The following SMARCA4 variants were observed in gnomAD, a reference collection of about 807,000 sequenced individuals.
The protein encoded by SMARCA4 is SWI/SNF related BAF chromatin remodeling complex subunit ATPase 4.
In SMARCA4, 31 loss-of-function variants were observed where a neutral mutation model predicts 193.9. That is an observed-to-expected ratio of 0.16 (90% confidence interval 0.12 to 0.22). The LOEUF (loss-of-function observed/expected upper bound fraction) is 0.22. SMARCA4 is among the 10% of genes least tolerant of loss of function. The probability of loss-of-function intolerance (pLI) is 1.00; values close to 1 mark genes in which losing one functional copy is unlikely to be tolerated. For missense variants in SMARCA4, 1,148 were observed against 2,296.0 expected (o/e 0.50, Z 10.22); for synonymous variants, 942 against 933.1 (o/e 1.01, Z -0.17).
chr19:11,058,177 G>T lies in SMARCA4; in HGVS notation c.4425-78G>T. On this transcript the variant is annotated intron_variant, in intron 30 of 34. Transcript: ENST00000344626. This position sits in a 1 kb window ranked among gnomAD's most constrained non-coding sequence, Gnocchi z 5.8. ...TTGGAATTTCTCATCCTTAAACAAT[G>T]TGGGAACCTGCTGAGGTGGGGTGGG... is the stretch of plus-strand genomic sequence containing the variant. 1 of 878,462 alleles carries T rather than the reference G, an allele frequency of 1.1e-6. No homozygotes were observed. Among genetic ancestry groups the T allele is most frequent in the East Asian group, 2.4e-5 (1 of 41,506 alleles). The allele number at this position is 878,462 out of a possible 1,614,324, so 54.4% of individuals were successfully genotyped here.
At chr19:10,979,595 G>A (rs1053344924) in intron 1 of SMARCA4, among the ~76,000 whole-genome samples, 1 of 151,170 alleles carries the variant, frequency 6.6e-6, no homozygotes, top group South Asian at 2.1e-4. Flanking sequence ...TTGAATTCCT[G>A]GACTCAAGCG....
chr19:10,990,569 C>T (rs1352409763), intron 7 of SMARCA4, among the ~76,000 whole-genome samples: 4 of 152,174 alleles, frequency 2.6e-5, no homozygotes, highest in South Asian at 2.1e-4. Flanking sequence ...TGAGCCACCA[C>T]GCAGGCCTGG....
rs1238462815 is a variant in SMARCA4, at chr19:11,061,202, AAAATATATATATATATAT to A, written c.4912-580_4912-563del. Among the ~76,000 whole-genome samples, 30 of 61,442 alleles carry A rather than the reference AAAATATATATATATATAT, an allele frequency of 4.9e-4. 3 individuals are homozygous for A. Among genetic ancestry groups the A allele is most frequent in the African/African-American group, 1.6e-3 (20 of 12,240 alleles). The allele number at this position is 61,442 out of a possible 152,430, so 40.3% of individuals were successfully genotyped here. A position where few individuals can be genotyped will look rare whatever the true frequency, so the allele number is the denominator to read the frequency against. The stretch of plus-strand genomic sequence containing the variant: ...GACCCTGTCTTTAAAAAAAAAAAAA[AAAATATATATATATATAT>A]ATATATATATATATATATATATGAA... On this transcript the variant is annotated intron_variant, in intron 34 of 34. Coordinates refer to ENST00000344626, the MANE Select transcript of SMARCA4 (RefSeq NM_003072.5).
rs1158554339 is a variant in SMARCA4 at position 11,051,184 on chromosome 19, C to G, written c.4425-7071C>G. The stretch of plus-strand genomic sequence containing the variant: ...CCCTCCTCTGTTTGTGAGTCGGGCC[C>G]TACCCCCAAGTCTCCCCCTCAGTGA... On this transcript the variant is annotated intron_variant, in intron 30 of 34. Coordinates refer to ENST00000344626, the MANE Select transcript of SMARCA4 (RefSeq NM_003072.5). Among the ~76,000 whole-genome samples the G allele has an allele frequency of 5.9e-5, 9 of 152,356 alleles. No homozygotes were observed. In the East Asian group the frequency reaches 1.7e-3, roughly 29 times the overall value.
At chr19:10,966,313 G>A (rs2084217484) in intron 1 of SMARCA4, among the ~76,000 whole-genome samples, 1 of 152,152 alleles carries the variant, frequency 6.6e-6, no homozygotes, top group South Asian at 2.1e-4. Flanking sequence ...ATGTTCAGCC[G>A]AGTGTGGTGG....
Position 11,027,916 on chromosome 19 carries a change from T to C in SMARCA4, c.3348T>C (p.Phe1116=), listed in dbSNP as rs1182379000. 15 of 1,614,086 alleles carry C rather than the reference T, an allele frequency of 9.3e-6. No homozygotes were observed. In the South Asian group the frequency reaches 1.5e-4, roughly 17 times the overall value. ...TCATGACCATCATGGAAGATTACTT[T>C]GCGTATCGCGGCTTTAAATACCTCA... ...TSLMTIMEDY[F]AYRGFKYLRL... is the part of the protein sequence containing the mutation. Residue 1116 remains phenylalanine (F), a synonymous_variant, in exon 24 of 35, where the codon TTT becomes TTC. Coordinates refer to ENST00000344626, the MANE Select transcript of SMARCA4 (RefSeq NM_003072.5).
chr19:10,984,359 C>A lies in SMARCA4; in HGVS notation c.208C>A (p.His70Asn). 2 of 1,589,528 alleles carry A rather than the reference C, an allele frequency of 1.3e-6. No homozygotes were observed. The highest frequency in any genetic ancestry group is 8.6e-7 in the Non-Finnish European group (1 of 1,167,876). Residue 70 changes from histidine (H) to asparagine (N), a missense_variant, in exon 2 of 35, where the codon CAC (histidine) becomes AAC (asparagine). This residue lies in a region of SMARCA4 where 201 missense variants were observed against 248.3 expected (regional missense o/e 0.81). Coordinates refer to ENST00000344626, the MANE Select transcript of SMARCA4 (RefSeq NM_003072.5). The surrounding 1 kb of genome is among the most constrained non-coding windows in gnomAD (Gnocchi z 4.3). ...TGGAGGGTACCCTCAGGACAACATGCACCAGATGCACAAGGTAGGGATCCC... is the reference window on the plus strand; with the variant it reads ...TGGAGGGTACCCTCAGGACAACATGAACCAGATGCACAAGGTAGGGATCCC... ...GPGGYPQDNM[H>N]QMHKPMESMH...
In SMARCA4 at chr19:10,986,842, G is replaced by C. The variant is rs2086091427; in HGVS notation, c.761-63G>C. On this transcript the variant is annotated intron_variant, in intron 4 of 34. Transcript: ENST00000344626. The surrounding 1 kb of genome is among the most constrained non-coding windows in gnomAD (Gnocchi z 6.7). The stretch of plus-strand genomic sequence containing the variant: ...TCCCCTGGAGCCAGGGCTGCCCACG[G>C]GGCTGGGCGCAGGCATAAACCTGGG... The C allele has an allele frequency of 7.0e-6, 10 of 1,428,648 alleles. No homozygotes were observed. In the Admixed American group the frequency reaches 1.7e-4, roughly 24 times the overall value. 88.5% of individuals were successfully genotyped at this position (1,428,648 alleles called of 1,614,324 possible). A position where few individuals can be genotyped will look rare whatever the true frequency, so the allele number is the denominator to read the frequency against.
intron 1 of SMARCA4, among the ~76,000 whole-genome samples, chr19:10,965,812 A>C (rs915588423): frequency 7.2e-5 from 11 of 152,102 alleles, no homozygotes; most frequent in Non-Finnish European, 1.3e-4. Flanking sequence ...ATCTTTAAAA[A>C]ATTTTTCTAA....
intron 30 of SMARCA4, chr19:11,056,113 G>A (rs924882942): frequency 2.6e-5 from 4 of 152,298 alleles, no homozygotes; most frequent in African/African-American, 7.2e-5. Context: ...GTGGAGAACA[G>A]GATGTGCCGG....
chr19:11,001,805 C>A (rs1486459928), intron 11 of SMARCA4, among the ~76,000 whole-genome samples: 1 of 152,154 alleles, frequency 6.6e-6, no homozygotes, highest in African/African-American at 2.4e-5. Context: ...AAACCAATAA[C>A]TTTTTCTCCA....
intron 1 of SMARCA4, among the ~76,000 whole-genome samples, chr19:10,971,073 G>A (rs750429298): frequency 6.6e-6 from 1 of 152,168 alleles, no homozygotes. Context: ...GCGCGTGCCT[G>A]TAATCCCAGC....
chr19:11,043,901 A>G (rs2075758094), intron 30 of SMARCA4, among the ~76,000 whole-genome samples: 1 of 152,166 alleles, frequency 6.6e-6, no homozygotes. Context: ...GCTTGAACCC[A>G]GAAGGCAGAG....
Position 11,034,845 on chromosome 19 carries a change from T to G in SMARCA4, c.3952-69T>G. 2 of 994,494 alleles carry G rather than the reference T, an allele frequency of 2.0e-6. No individual in the cohort carries two copies. Among genetic ancestry groups the G allele is most frequent in the East Asian group, 2.6e-5 (1 of 38,460 alleles). The allele number at this position is 994,494 out of a possible 1,614,324, so 61.6% of individuals were successfully genotyped here. ...GAGAAAGGCCCTTCTGAACTCTCGG[T>G]GTTCTGGCTCTAGCGTGCCCCTGGT... On this transcript the variant is annotated intron_variant, in intron 28 of 34. Transcript: ENST00000344626. The surrounding 1 kb of genome is among the most constrained non-coding windows in gnomAD (Gnocchi z 7.0).
chr19:10,986,827 C>T lies in SMARCA4; in HGVS notation c.761-78C>T. On this transcript the variant is annotated intron_variant, in intron 4 of 34. Coordinates refer to ENST00000344626, the MANE Select transcript of SMARCA4 (RefSeq NM_003072.5). This position sits in a 1 kb window ranked among gnomAD's most constrained non-coding sequence, Gnocchi z 6.7. ...GGTGTATCTGCTGTGTCCCCTGGAG[C>T]CAGGGCTGCCCACGGGGCTGGGCGC... 7.4e-7 allele frequency: 1 copy of T among 1,344,918 alleles called. No individual in the cohort carries two copies. The highest frequency in any genetic ancestry group is 1.2e-5 in the South Asian group (1 of 85,586). 83.3% of individuals were successfully genotyped at this position (1,344,918 alleles called of 1,614,324 possible).
At chr19:11,042,825 GAAAATAGGAAAACAATTACC>G in intron 30 of SMARCA4, among the ~76,000 whole-genome samples, 1 of 151,372 alleles carries the variant, frequency 6.6e-6, no homozygotes, top group African/African-American at 2.4e-5. Flanking sequence ...CATCTTTACT[GAAAATAGGAAAACAATTACC>G]TGGGCGTGGT....
chr19:10,972,470 G>T (rs892495972), intron 1 of SMARCA4, among the ~76,000 whole-genome samples: 5 of 150,216 alleles, frequency 3.3e-5, no homozygotes, highest in African/African-American at 1.2e-4. Flanking sequence ...GGCTATTTCT[G>T]TCACTCTGCT....
In SMARCA4 at chr19:10,996,639, A is replaced by AC. The variant is rs1482746853; in HGVS notation, c.1812+96dup. 1.5e-5 allele frequency: 18 copies of AC among 1,177,334 alleles called. No individual in the cohort carries two copies. The African/African-American group carries it at 2.3e-4, about 15-fold the overall frequency. 72.9% of individuals were successfully genotyped at this position (1,177,334 alleles called of 1,614,324 possible). A position where few individuals can be genotyped will look rare whatever the true frequency, so the allele number is the denominator to read the frequency against. On this transcript the variant is annotated intron_variant, in intron 11 of 34. Coordinates refer to ENST00000344626, the MANE Select transcript of SMARCA4 (RefSeq NM_003072.5). Reference sequence around the variant, plus strand: ...AACCTGTGTTCTTTTAAAATTACGAACAATGATATGTGATGATGGTGAGAA... The same window carrying AC: ...AACCTGTGTTCTTTTAAAATTACGAACCAATGATATGTGATGATGGTGAGAA...
Position 11,027,931 on chromosome 19 carries a change from T to C in SMARCA4, c.3363T>C (p.Phe1121=), listed in dbSNP as rs752360266. Residue 1121 remains phenylalanine, a synonymous_variant, in exon 24 of 35, where the codon TTT becomes TTC. Transcript: ENST00000344626. The part of the protein sequence containing the change: ...IMEDYFAYRG[F]KYLRLDGTTK... ...AAGATTACTTTGCGTATCGCGGCTT[T>C]AAATACCTCAGGCTTGATGGTGAGT... is the stretch of plus-strand genomic sequence containing the variant. 2.4e-5 allele frequency: 39 copies of C among 1,614,074 alleles called. No homozygotes were observed. Among genetic ancestry groups the C allele is most frequent in the Non-Finnish European group, 3.3e-5 (39 of 1,180,040 alleles).
Sources: gnomAD v4.1 joint callset for allele counts (sites outside exome capture counted in the v4.1 genomes callset) on GRCh38, gnomAD v4.1.1 for gene constraint, gnomAD v4.1.1 regional missense constraint, Gnocchi (gnomAD v3.1) non-coding constraint, MANE v1.5 for transcripts, NCBI Gene and HGNC (gene_info 2026-07-23, HGNC 2026-07-21) for gene names.